FLRT2: variants seen among roughly 807,000 people sequenced by gnomAD.
The protein encoded by FLRT2 is leucine-rich repeat transmembrane protein FLRT2.
Under a neutral mutation model 40.0 loss-of-function variants are expected in FLRT2, and 15 were observed. That is an observed-to-expected ratio of 0.38 (90% CI 0.25 to 0.58). FLRT2 has a LOEUF of 0.58. FLRT2 is among the 20% of genes least tolerant of loss of function. The probability of loss-of-function intolerance (pLI) is 0.71; values close to 1 mark genes in which losing one functional copy is unlikely to be tolerated. For missense variants in FLRT2, 726 were observed against 840.0 expected (o/e 0.86, Z 1.68); for synonymous variants, 380 against 336.8 (o/e 1.13, Z -1.41).
At chr14:85,595,086 G>T (rs1038495656) in intron 1 of FLRT2, among the ~76,000 whole-genome samples, 1 of 152,090 alleles carries the variant, frequency 6.6e-6, no homozygotes, top group Non-Finnish European at 1.5e-5. Flanking sequence ...GCTATCTCAG[G>T]GTGGCAGAGG....
At position 85,615,292 on chromosome 14, in the gene FLRT2, A is replaced by G. The variant is rs1035974214; in HGVS notation, c.-376-5847A>G. Among the ~76,000 whole-genome samples, 8 of 152,344 alleles carry G rather than the reference A, an allele frequency of 5.3e-5. No individual in the cohort carries two copies. The East Asian group carries it at 1.5e-3, about 29-fold the overall frequency. On this transcript the variant is annotated intron_variant, in intron 1 of 1. Transcript: ENST00000330753. Reference sequence around the variant, plus strand: ...TTATAACACTGGTTATTTGTTCTCAAGTTACCCCCATTACTCCAACCAATT... The same window carrying G: ...TTATAACACTGGTTATTTGTTCTCAGGTTACCCCCATTACTCCAACCAATT...
At position 85,627,764 on chromosome 14, in the gene FLRT2, G is replaced by C. The variant is rs982913030; in HGVS notation, c.*4267G>C. On this transcript the variant is annotated 3_prime_UTR_variant, in exon 2 of 2. Coordinates refer to ENST00000330753, the MANE Select transcript of FLRT2 (RefSeq NM_013231.6). The stretch of plus-strand genomic sequence containing the variant: ...TGAACCATATGCTGATTTGCTTCTG[G>C]TTTCTGTTTAGTGTGTTCTCTCTGA... The C allele has an allele frequency of 1.2e-5, 2 of 167,006 alleles. No individual in the cohort carries two copies. The highest frequency in any genetic ancestry group is 6.5e-5 in the Admixed American group (1 of 15,274). The allele number at this position is 167,006 out of a possible 1,614,324, so 10.3% of individuals were successfully genotyped here.
intron 1 of FLRT2, among the ~76,000 whole-genome samples, chr14:85,545,244 T>C (rs1889214549): frequency 6.6e-6 from 1 of 152,228 alleles, no homozygotes; most frequent in African/African-American, 2.4e-5. Context: ...ATATTGATCG[T>C]AAGGTTTATT....
intron 1 of FLRT2, among the ~76,000 whole-genome samples, chr14:85,583,883 G>C (rs772803743): frequency 4.8e-4 from 73 of 152,102 alleles, no homozygotes; most frequent in Non-Finnish European, 9.4e-4. Flanking sequence ...CCAGCTACTT[G>C]GGGGCCTGAG....
chr14:85,564,735 T>G lies in FLRT2; in HGVS notation c.-377+34201T>G, dbSNP rs80278550. On this transcript the variant is annotated intron_variant, in intron 1 of 1. Coordinates refer to ENST00000330753, the MANE Select transcript of FLRT2 (RefSeq NM_013231.6). ...CCTAGCATGATTGAAACAAACTGTA[T>G]GTAATGTAATGTAATAGTTCTTAAA... is the stretch of plus-strand genomic sequence containing the variant. Among the ~76,000 whole-genome samples the G allele has an allele frequency of 7.4e-3, 1,134 of 152,284 alleles. 13 individuals are homozygous for G. Among genetic ancestry groups the G allele is most frequent in the Middle Eastern group, 0.024 (7 of 294 alleles).
chr14:85,544,204 G>T (rs1711527355), intron 1 of FLRT2, among the ~76,000 whole-genome samples: 1 of 152,138 alleles, frequency 6.6e-6, no homozygotes, highest in African/African-American at 2.4e-5. Context: ...ACAAATATTG[G>T]CTGGTAAACC....
chr14:85,564,250 T>C lies in FLRT2; in HGVS notation c.-377+33716T>C, dbSNP rs188991947. ...ATTGATTTGGCCAGTGACTATGTAT[T>C]ACTCGAATATGTATTGCTTGGATTG... On this transcript the variant is annotated intron_variant, in intron 1 of 1. Transcript: ENST00000330753. 2.4e-3 allele frequency among the ~76,000 whole-genome samples: 371 copies of C among 152,358 alleles called. 6 individuals are homozygous for C. Among genetic ancestry groups the C allele is most frequent in the East Asian group, 3.1e-3 (16 of 5,188 alleles).
intron 1 of FLRT2, among the ~76,000 whole-genome samples, chr14:85,614,412 G>T (rs1312479049): frequency 6.6e-6 from 1 of 152,020 alleles, no homozygotes; most frequent in Non-Finnish European, 1.5e-5. Context: ...GTTAAGTCAG[G>T]TGCCCTTTGT....
intron 1 of FLRT2, among the ~76,000 whole-genome samples, chr14:85,563,338 A>C (rs1890458862): frequency 6.6e-6 from 1 of 152,230 alleles, no homozygotes; most frequent in Admixed American, 6.5e-5. Context: ...AATGCCAGAT[A>C]CATTGAGTCC....
chr14:85,583,901 G>T (rs1891501537), intron 1 of FLRT2, among the ~76,000 whole-genome samples: 1 of 151,612 alleles, frequency 6.6e-6, no homozygotes, highest in African/African-American at 2.4e-5. Context: ...GAGCTGGGAG[G>T]ATCCCTTGAG....
chr14:85,597,743 A>G (rs1325306221), intron 1 of FLRT2, among the ~76,000 whole-genome samples: 2 of 152,162 alleles, frequency 1.3e-5, no homozygotes, highest in South Asian at 2.1e-4. Flanking sequence ...CAACTTTAAG[A>G]CATTTATTTG....
chr14:85,586,995 G>A (rs1891648185), intron 1 of FLRT2, among the ~76,000 whole-genome samples: 1 of 152,034 alleles, frequency 6.6e-6, no homozygotes, highest in Non-Finnish European at 1.5e-5. Context: ...TCTCCTGCTT[G>A]GCCATAGGGA....
At chr14:85,566,287 G>A (rs1890611591) in intron 1 of FLRT2, among the ~76,000 whole-genome samples, 1 of 152,132 alleles carries the variant, frequency 6.6e-6, no homozygotes. Context: ...ACATGCGTGG[G>A]TCAGGGAAGA....
Position 85,639,681 on chromosome 14 carries a change from C to T in FLRT2, c.*16184C>T, listed in dbSNP as rs1484763585. 6.6e-6 allele frequency: 1 copy of T among 151,912 alleles called. No individual in the cohort carries two copies. Among genetic ancestry groups the T allele is most frequent in the Non-Finnish European group, 1.5e-5 (1 of 67,996 alleles). 9.4% of individuals were successfully genotyped at this position (151,912 alleles called of 1,614,324 possible). ...CTATTGATATTATTATGTGCATTAC[C>T]CATTTTAAAGATGGAAACACTGAAG... is the stretch of plus-strand genomic sequence containing the variant. On this transcript the variant is annotated 3_prime_UTR_variant, in exon 2 of 2. Coordinates refer to ENST00000330753, the MANE Select transcript of FLRT2 (RefSeq NM_013231.6).
At chr14:85,598,962 G>GGCTGGAGT (rs1257305115) in intron 1 of FLRT2, among the ~76,000 whole-genome samples, 1 of 130,580 alleles carries the variant, frequency 7.7e-6, no homozygotes, top group African/African-American at 2.9e-5. Context: ...CTGTCGCCCA[G>GGCTGGAGT]GCTGGAGTGC....
rs983383104 is a variant in FLRT2 at position 85,535,905 on chromosome 14, T to G, written c.-377+5371T>G. Among the ~76,000 whole-genome samples the G allele has an allele frequency of 5.5e-4, 43 of 77,692 alleles. 1 individual carries two copies. The highest frequency in any genetic ancestry group is 4.9e-3 in the Middle Eastern group (1 of 204). 51.0% of individuals were successfully genotyped at this position (77,692 alleles called of 152,430 possible). ...GGAAGGAATGCTGTTTTTTTTTTTTTTTTTTTTTTTTTTTTTGTTGTTGTT... is the reference window on the plus strand; with the variant it reads ...GGAAGGAATGCTGTTTTTTTTTTTTGTTTTTTTTTTTTTTTTGTTGTTGTT... On this transcript the variant is annotated intron_variant, in intron 1 of 1. Transcript: ENST00000330753.
rs1351671537 is a variant in FLRT2 at position 85,621,898 on chromosome 14, T to A, written c.384T>A (p.Ala128=). The A allele has an allele frequency of 1.9e-6, 3 of 1,606,078 alleles. No homozygotes were observed. The highest frequency in any genetic ancestry group is 2.6e-6 in the Non-Finnish European group (3 of 1,175,298). Residue 128 remains alanine, a synonymous_variant, in exon 2 of 2, where the codon GCT becomes GCA. Transcript: ENST00000330753. ...ATATTCAGACCATTTCACGGGCTGCTCTTGCCCAGCTCTTGAAGCTTGAAG... is the reference window on the plus strand; with the variant it reads ...ATATTCAGACCATTTCACGGGCTGCACTTGCCCAGCTCTTGAAGCTTGAAG... The part of the protein sequence containing the change: ...ENNIQTISRA[A]LAQLLKLEEL...
chr14:85,558,994 G>T (rs1890145430), intron 1 of FLRT2, among the ~76,000 whole-genome samples: 1 of 152,218 alleles, frequency 6.6e-6, no homozygotes, highest in South Asian at 2.1e-4. Flanking sequence ...AAATAAACTT[G>T]TATTTAAATA....
At chr14:85,587,768 T>C (rs1183724346) in intron 1 of FLRT2, among the ~76,000 whole-genome samples, 1 of 152,316 alleles carries the variant, frequency 6.6e-6, no homozygotes, top group East Asian at 1.9e-4. Flanking sequence ...GATATTAATA[T>C]GAGAATATTT....
Sources: allele counts gnomAD v4.1 joint callset (sites outside exome capture counted in the v4.1 genomes callset), GRCh38; gene constraint gnomAD v4.1.1; transcripts MANE v1.5; gene names NCBI Gene and HGNC (gene_info 2026-07-23, HGNC 2026-07-21).